The following IFI44 variants were observed in gnomAD, a reference collection of about 807,000 sequenced individuals.
The protein encoded by IFI44 is interferon-induced protein 44.
Under a neutral mutation model 45.0 loss-of-function variants are expected in IFI44, and 42 were observed. The ratio of observed to expected loss-of-function variants is 0.93; its 90% CI spans 0.73 to 1.21. The LOEUF is 1.21. Ranked by LOEUF, IFI44 falls within the 50% of genes most tolerant of loss-of-function variation. IFI44 has a pLI of 0.00. For synonymous variants in IFI44, 221 were observed against 188.6 expected (o/e 1.17, Z -1.41); for missense variants, 623 against 525.8 (o/e 1.18, Z -1.81).
intron 2 of IFI44, among the ~76,000 whole-genome samples, chr1:78,652,225 G>A (rs1410897596): frequency 5.3e-5 from 8 of 152,134 alleles, no homozygotes; most frequent in African/African-American, 1.9e-4. Flanking sequence ...GGGATTACAG[G>A]CGGACACCAC....
chr1:78,654,733 T>G, intron 3 of IFI44, among the ~76,000 whole-genome samples: 1 of 151,946 alleles, frequency 6.6e-6, no homozygotes, highest in Non-Finnish European at 1.5e-5. Context: ...TCTTAAATAA[T>G]TGATCTTTAT....
At chr1:78,656,558 G>C (rs1433109071) in intron 5 of IFI44, among the ~76,000 whole-genome samples, 1 of 151,838 alleles carries the variant, frequency 6.6e-6, no homozygotes, top group East Asian at 1.9e-4. Flanking sequence ...AATTACCGTA[G>C]TAATCAATTA....
chr1:78,662,861 T>G lies in IFI44; in HGVS notation c.1271T>G (p.Leu424Trp). The change falls in exon 8 of 9, where the codon TTG (leucine) becomes TGG (tryptophan). Residue 424 changes from leucine to tryptophan, a missense_variant. By Grantham distance (61) the Leu-to-Trp change is moderately conservative. Transcript: ENST00000370747. Reference protein sequence around the residue: ...LWAADDFLEDLPFEQIGNLRE... With the variant: ...LWAADDFLEDWPFEQIGNLRE... The stretch of plus-strand genomic sequence containing the variant: ...GCTGCAGATGACTTCTTAGAGGATT[T>G]GCCTTTTGAGCAAATAGGTAGATGG... The G allele has an allele frequency of 1.2e-6, 2 of 1,605,236 alleles. No individual in the cohort carries two copies. The highest frequency in any genetic ancestry group is 2.2e-5 in the South Asian group (2 of 90,612).
At position 78,650,240 on chromosome 1, in the gene IFI44, G is replaced by C; in HGVS notation, c.45G>C (p.Leu15=). The C allele has an allele frequency of 6.2e-7, 1 of 1,609,538 alleles. No homozygotes were observed. The highest frequency in any genetic ancestry group is 8.5e-7 in the Non-Finnish European group (1 of 1,176,116). ...TRLTWLHEKI[L]QNHFGGKRLS... Reference sequence around the variant, plus strand: ...TGACATGGTTGCACGAAAAGATCCTGCAAAATCATTTTGGAGGGAAGCGGC... The same window carrying C: ...TGACATGGTTGCACGAAAAGATCCTCCAAAATCATTTTGGAGGGAAGCGGC... The change falls in exon 2 of 9, where the codon CTG becomes CTC. Residue 15 remains leucine, a synonymous_variant. Transcript: ENST00000370747.
intron 2 of IFI44, among the ~76,000 whole-genome samples, chr1:78,653,004 T>C (rs1647148031): frequency 6.6e-6 from 1 of 152,118 alleles, no homozygotes; most frequent in Non-Finnish European, 1.5e-5. Context: ...GTAACTATTT[T>C]GGTATATGAG....
At chr1:78,661,320 C>T (rs1158591981) in intron 7 of IFI44, among the ~76,000 whole-genome samples, 1 of 152,008 alleles carries the variant, frequency 6.6e-6, no homozygotes, top group Non-Finnish European at 1.5e-5. Flanking sequence ...CATCTCGGTC[C>T]CCCAAAGTTC....
intron 7 of IFI44, among the ~76,000 whole-genome samples, chr1:78,662,175 A>G (rs1191186586): frequency 6.6e-6 from 1 of 152,200 alleles, no homozygotes; most frequent in Non-Finnish European, 1.5e-5. Flanking sequence ...AGCACTAAGT[A>G]TGTGATAGAT....
At chr1:78,654,962 G>T in intron 3 of IFI44, 52 bp from the exon 4 acceptor site, 1 of 1,293,818 alleles carries the variant, frequency 7.7e-7, no homozygotes, top group Non-Finnish European at 1.0e-6. Flanking sequence ...TTTATAATAA[G>T]GTTTTGCGAC....
At chr1:78,658,489 A>G (rs538352036) in intron 5 of IFI44, among the ~76,000 whole-genome samples, 1 of 152,296 alleles carries the variant, frequency 6.6e-6, no homozygotes, top group African/African-American at 2.4e-5. Flanking sequence ...TATTATAACC[A>G]TAACAGTTCA....
At chr1:78,654,146 T>C in intron 2 of IFI44, 97 bp from the exon 3 acceptor site, 1 of 757,030 alleles carries the variant, frequency 1.3e-6, no homozygotes, top group Non-Finnish European at 2.4e-6. Flanking sequence ...AGGCTATTTT[T>C]GTATTTGTCC....
At chr1:78,657,011 C>G (rs1393697700) in intron 5 of IFI44, among the ~76,000 whole-genome samples, 1 of 151,592 alleles carries the variant, frequency 6.6e-6, no homozygotes, top group Non-Finnish European at 1.5e-5. Context: ...ACTTTCTCTT[C>G]TCTCTTATTA....
intron 7 of IFI44, among the ~76,000 whole-genome samples, chr1:78,661,363 AT>A (rs552902548): frequency 9.2e-5 from 14 of 151,368 alleles, no homozygotes; most frequent in Non-Finnish European, 1.9e-4. Context: ...ATACCCAGCC[AT>A]TTTTTTTCAA....
intron 2 of IFI44, among the ~76,000 whole-genome samples, chr1:78,653,622 C>A (rs1647158203): frequency 6.6e-6 from 1 of 152,104 alleles, no homozygotes; most frequent in Non-Finnish European, 1.5e-5. Flanking sequence ...TGAGCCCGTG[C>A]CTTATTGATC....
chr1:78,652,371 G>A (rs1028543371), intron 2 of IFI44, among the ~76,000 whole-genome samples: 4 of 152,174 alleles, frequency 2.6e-5, no homozygotes, highest in Admixed American at 2.6e-4. Flanking sequence ...GTGAGCCACC[G>A]TGCCCGGCTG....
At position 78,655,514 on chromosome 1, in the gene IFI44, A is replaced by G. The variant is rs1045756545; in HGVS notation, c.840+3A>G. ...GTAACATTCGTGATAGATACCAGGT[A>G]ATATTTGACTAATGAGAAATTATAA... On this transcript the variant is annotated splice_donor_region_variant and intron_variant, in intron 5 of 8. Transcript: ENST00000370747. 2 of 1,599,186 alleles carry G rather than the reference A, an allele frequency of 1.3e-6. No homozygotes were observed. Among genetic ancestry groups the G allele is most frequent in the Non-Finnish European group, 8.5e-7 (1 of 1,173,616 alleles).
At chr1:78,660,051 T>C (rs1359213887) in intron 6 of IFI44, among the ~76,000 whole-genome samples, 2 of 152,170 alleles carry the variant, frequency 1.3e-5, no homozygotes, top group Non-Finnish European at 2.9e-5. Flanking sequence ...CAGAGAGTGA[T>C]CAACTTACCT....
chr1:78,654,444 T>TAAA (rs547157685), intron 3 of IFI44, among the ~76,000 whole-genome samples, 165 bp downstream of exon 3: 3 of 151,726 alleles, frequency 2.0e-5, no homozygotes, highest in Non-Finnish European at 4.4e-5. Context: ...ATATTAATGT[T>TAAA]AAAAAAAAGG....
intron 5 of IFI44, 41 bp from the exon 6 acceptor site, chr1:78,659,271 T>C: frequency 6.6e-7 from 1 of 1,522,446 alleles, no homozygotes; most frequent in African/African-American, 1.4e-5. Context: ...TGCTCATAAA[T>C]ATTTGTTGAA....
intron 5 of IFI44, among the ~76,000 whole-genome samples, chr1:78,656,633 A>T (rs754442544): frequency 2.8e-4 from 42 of 151,742 alleles, no homozygotes; most frequent in Non-Finnish European, 4.7e-4. Flanking sequence ...TTTTCTTGGC[A>T]ATTTTCATAC....
Sources: gnomAD v4.1 joint callset for allele counts (sites outside exome capture counted in the v4.1 genomes callset) on GRCh38, gnomAD v4.1.1 for gene constraint, MANE v1.5 for transcripts, NCBI Gene and HGNC (gene_info 2026-07-23, HGNC 2026-07-21) for gene names.